PAPSS2: variants seen among roughly 807,000 people sequenced by gnomAD.
The protein encoded by PAPSS2 is 3'-phosphoadenosine 5'-phosphosulfate synthase 2.
PAPSS2 carries 61 observed loss-of-function variants against 66.5 expected under a neutral mutation model. The observed-to-expected ratio is 0.92, with a 90% CI of 0.75 to 1.14. PAPSS2 has a LOEUF of 1.14. PAPSS2 is among the 50% of genes most tolerant of loss of function. PAPSS2 has a pLI of 0.00. For synonymous variants in PAPSS2, 289 were observed against 287.5 expected (o/e 1.01, Z -0.05); for missense variants, 708 against 789.6 (o/e 0.90, Z 1.24).
chr10:87,719,655 T>G (rs1853571576), intron 7 of PAPSS2, among the ~76,000 whole-genome samples: 2 of 152,070 alleles, frequency 1.3e-5, no homozygotes. Context: ...TTATCCCTAG[T>G]CACATCAATT....
chr10:87,742,141 G>A (rs966597934), intron 10 of PAPSS2, among the ~76,000 whole-genome samples: 2 of 152,068 alleles, frequency 1.3e-5, no homozygotes, highest in African/African-American at 4.8e-5. Flanking sequence ...TTATAAAGTT[G>A]TACTATATAT....
At chr10:87,665,634 C>T (rs1852806851) in intron 1 of PAPSS2, among the ~76,000 whole-genome samples, 1 of 152,204 alleles carries the variant, frequency 6.6e-6, no homozygotes, top group Non-Finnish European at 1.5e-5. Flanking sequence ...ACTTTCTATG[C>T]CAAGACAATT....
intron 10 of PAPSS2, 94 bp from the exon 11 acceptor site, chr10:87,743,279 C>CA: frequency 1.3e-5 from 17 of 1,284,850 alleles, no homozygotes; most frequent in Non-Finnish European, 1.9e-5. Flanking sequence ...AATGAATGCA[C>CA]AGAACAATAA....
rs774132241 is a variant in PAPSS2, at chr10:87,743,397, G to T, written c.1247G>T (p.Arg416Leu). Residue 416 changes from arginine to leucine, a missense_variant, in exon 11 of 13, where the codon CGC (arginine) becomes CTC (leucine). Arg to Leu is a moderately radical substitution (Grantham distance 102). Coordinates refer to ENST00000456849, the MANE Select transcript of PAPSS2 (RefSeq NM_001015880.2). ...GATGCGGTGTTTGCATTCCAGTTGC[G>T]CAATCCTGTCCACAATGGCCATGCC... The part of the protein sequence containing the change: ...NADAVFAFQL[R>L]NPVHNGHALL... 1 of 1,613,870 alleles carries T rather than the reference G, an allele frequency of 6.2e-7. No homozygotes were observed. Among genetic ancestry groups the T allele is most frequent in the Non-Finnish European group, 8.5e-7 (1 of 1,179,990 alleles).
intron 9 of PAPSS2, among the ~76,000 whole-genome samples, chr10:87,739,177 A>G (rs1287622348): frequency 1.3e-5 from 2 of 152,112 alleles, no homozygotes; most frequent in Non-Finnish European, 2.9e-5. Context: ...TTTGAGTTAA[A>G]TTTTGTATGT....
chr10:87,735,452 C>T (rs142997823), intron 9 of PAPSS2, among the ~76,000 whole-genome samples: 2,010 of 152,274 alleles, frequency 0.013, 38 homozygotes, highest in Middle Eastern at 0.078. Flanking sequence ...TTACTGCATC[C>T]TCAGGGGTTT....
chr10:87,709,354 A>T, intron 2 of PAPSS2, 41 bp downstream of exon 2: 1 of 1,194,562 alleles, frequency 8.4e-7, no homozygotes. Context: ...TACAAATTGC[A>T]AACTGACATG....
chr10:87,708,062 A>G (rs111818667), intron 1 of PAPSS2, among the ~76,000 whole-genome samples: 5 of 152,286 alleles, frequency 3.3e-5, no homozygotes, highest in African/African-American at 1.2e-4. Context: ...AACCATTATT[A>G]TGGATTTTTT....
chr10:87,674,471 T>C (rs926300390), intron 1 of PAPSS2, among the ~76,000 whole-genome samples: 4 of 151,450 alleles, frequency 2.6e-5, no homozygotes, highest in African/African-American at 9.7e-5. Context: ...CAGCAGTAAT[T>C]TTTTTTTTAT....
intron 1 of PAPSS2, among the ~76,000 whole-genome samples, chr10:87,688,842 C>T (rs1452020168): frequency 1.3e-5 from 2 of 152,078 alleles, no homozygotes; most frequent in East Asian, 3.9e-4. Context: ...ATAACTCTCT[C>T]TTTTTCTTAA....
intron 1 of PAPSS2, among the ~76,000 whole-genome samples, chr10:87,673,650 G>A (rs1288122461): frequency 1.4e-5 from 2 of 145,560 alleles, no homozygotes; most frequent in Non-Finnish European, 3.0e-5. Flanking sequence ...TCCCCCTCAA[G>A]ATGCCTGCCA....
rs532950801 is a variant in PAPSS2, at chr10:87,706,084, GTATA to G, written c.28-3090_28-3087del. 8.6e-3 allele frequency among the ~76,000 whole-genome samples: 518 copies of G among 60,148 alleles called. 22 individuals carry two copies. Among genetic ancestry groups the G allele is most frequent in the Non-Finnish European group, 0.011 (378 of 34,936 alleles). 39.5% of individuals were successfully genotyped at this position (60,148 alleles called of 152,430 possible). ...AGTGTGCTTTACGTTTCTTCACATG[GTATA>G]TATATATATATATATATATATGTGT... On this transcript the variant is annotated intron_variant, in intron 1 of 12. Transcript: ENST00000456849.
intron 1 of PAPSS2, among the ~76,000 whole-genome samples, chr10:87,704,327 C>T (rs190938975): frequency 2.6e-5 from 4 of 152,216 alleles, no homozygotes; most frequent in East Asian, 1.9e-4. Context: ...GAACTGTTTT[C>T]GAAAAACGAA....
intron 9 of PAPSS2, among the ~76,000 whole-genome samples, chr10:87,736,251 TTTTC>T (rs141858337): frequency 4.3e-4 from 63 of 145,736 alleles, no homozygotes; most frequent in African/African-American, 1.5e-3. Context: ...CATGTTTTTC[TTTTC>T]TTTCTTTCTT....
intron 7 of PAPSS2, among the ~76,000 whole-genome samples, chr10:87,719,538 C>A (rs764754298): frequency 3.3e-5 from 5 of 152,184 alleles, no homozygotes; most frequent in Non-Finnish European, 7.3e-5. Context: ...GGGAGGATCA[C>A]TTGAGCCCAG....
intron 1 of PAPSS2, among the ~76,000 whole-genome samples, chr10:87,707,438 C>T (rs1328792962): frequency 6.6e-6 from 1 of 152,026 alleles, no homozygotes; most frequent in Non-Finnish European, 1.5e-5. Flanking sequence ...TTGCCATTTG[C>T]ATGTTCATAT....
rs1459338800 is a variant in PAPSS2, at chr10:87,727,318, G to A, written c.915G>A (p.Leu305=). The part of the protein sequence containing the change: ...GVINMSIPIV[L]PVSAEDKTRL... ...TCAACATGAGCATCCCCATTGTACT[G>A]CCCGTCTCTGCAGAGGATAAGACAC... The change falls in exon 9 of 13, where the codon CTG becomes CTA. Residue 305 remains leucine (L), a synonymous_variant. Coordinates refer to ENST00000456849, the MANE Select transcript of PAPSS2 (RefSeq NM_001015880.2). 7 of 1,613,612 alleles carry A rather than the reference G, an allele frequency of 4.3e-6. No individual in the cohort carries two copies. The highest frequency in any genetic ancestry group is 5.9e-6 in the Non-Finnish European group (7 of 1,179,984).
At chr10:87,678,425 T>G (rs1402920290) in intron 1 of PAPSS2, among the ~76,000 whole-genome samples, 1 of 152,114 alleles carries the variant, frequency 6.6e-6, no homozygotes, top group African/African-American at 2.4e-5. Flanking sequence ...CATAGACACC[T>G]AAAACGAAAA....
chr10:87,733,206 A>G (rs1853750869), intron 9 of PAPSS2, among the ~76,000 whole-genome samples: 1 of 152,210 alleles, frequency 6.6e-6, no homozygotes, highest in African/African-American at 2.4e-5. Context: ...GTCACTAGGA[A>G]ATGGTCTGCC....
Sources: gnomAD v4.1 joint callset for allele counts (sites outside exome capture counted in the v4.1 genomes callset) on GRCh38, gnomAD v4.1.1 for gene constraint, MANE v1.5 for transcripts, NCBI Gene and HGNC (gene_info 2026-07-23, HGNC 2026-07-21) for gene names.